Variants in CAMSAP2 observed in about 807,000 individuals in gnomAD.
The protein encoded by CAMSAP2 is calmodulin regulated spectrin associated protein family member 2.
A neutral mutation model predicts 146.1 loss-of-function variants in CAMSAP2; 26 were observed. The ratio of observed to expected loss-of-function variants is 0.18; its 90% CI spans 0.13 to 0.25. CAMSAP2 has a LOEUF of 0.25. Among genes scored for constraint, CAMSAP2 ranks in the 10% least tolerant of loss-of-function variants. The pLI is 1.00. For synonymous variants in CAMSAP2, 499 were observed against 596.6 expected (o/e 0.84, Z 2.38); for missense variants, 1,381 against 1,759.3 (o/e 0.78, Z 3.85).
At chr1:200,803,616 AGT>A (rs1362618037) in intron 2 of CAMSAP2, among the ~76,000 whole-genome samples, 55 of 149,232 alleles carry the variant, frequency 3.7e-4, no homozygotes, top group Admixed American at 1.9e-3. Flanking sequence ...AAAGTTAAGA[AGT>A]AAAAAAAAAA....
At chr1:200,801,036 C>T (rs577715722) in intron 2 of CAMSAP2, among the ~76,000 whole-genome samples, 40 of 152,252 alleles carry the variant, frequency 2.6e-4, no homozygotes, top group South Asian at 2.3e-3. Flanking sequence ...GAGGCCAAGA[C>T]GGGCGGATCA....
chr1:200,740,229 G>T (rs1664122683), intron 1 of CAMSAP2, among the ~76,000 whole-genome samples: 1 of 151,758 alleles, frequency 6.6e-6, no homozygotes, highest in South Asian at 2.1e-4. Context: ...CCCCCAGTGA[G>T]CAATTTTATG....
At chr1:200,774,838 AT>A (rs1389107525) in intron 2 of CAMSAP2, among the ~76,000 whole-genome samples, 1 of 152,242 alleles carries the variant, frequency 6.6e-6, no homozygotes, top group Non-Finnish European at 1.5e-5. Context: ...TGGAGGGAAC[AT>A]CTTCAGGAAT....
chr1:200,783,651 TAAA>T (rs775012461), intron 2 of CAMSAP2, among the ~76,000 whole-genome samples: 6 of 150,980 alleles, frequency 4.0e-5, no homozygotes, highest in Non-Finnish European at 7.4e-5. Context: ...CCTGGCTAAT[TAAA>T]AAAAAAATTT....
chr1:200,749,979 T>C (rs1315510938), intron 1 of CAMSAP2, among the ~76,000 whole-genome samples: 1 of 152,078 alleles, frequency 6.6e-6, no homozygotes, highest in Non-Finnish European at 1.5e-5. Flanking sequence ...TCCATTCTTG[T>C]AGGCCAGAGG....
intron 1 of CAMSAP2, among the ~76,000 whole-genome samples, chr1:200,740,724 G>C (rs1360776974): frequency 1.3e-5 from 2 of 152,146 alleles, no homozygotes; most frequent in Non-Finnish European, 2.9e-5. Context: ...AAATTGTATA[G>C]TACAGTAGCA....
At chr1:200,771,068 A>G (rs1665102694) in intron 2 of CAMSAP2, among the ~76,000 whole-genome samples, 1 of 152,142 alleles carries the variant, frequency 6.6e-6, no homozygotes, top group African/African-American at 2.4e-5. Context: ...AGACTAACAG[A>G]GAATATGAGC....
Position 200,853,781 on chromosome 1 carries a change from C to T in CAMSAP2, c.3823+286C>T, listed in dbSNP as rs1667683007. On this transcript the variant is annotated intron_variant, in intron 13 of 16. Coordinates refer to ENST00000358823, the MANE Select transcript of CAMSAP2 (RefSeq NM_203459.4). The surrounding 1 kb of genome is among the most constrained non-coding windows in gnomAD (Gnocchi z 5.1). ...AGATATAATCTCCTTGAACTATTAA[C>T]TGCCCTTTACATACTTATAAATTTA... Among the ~76,000 whole-genome samples the T allele has an allele frequency of 6.6e-6, 1 of 152,156 alleles. No homozygotes were observed. The highest frequency in any genetic ancestry group is 1.5e-5 in the Non-Finnish European group (1 of 68,028).
chr1:200,760,873 C>T lies in CAMSAP2; in HGVS notation c.174C>T (p.Tyr58=), dbSNP rs1285810531. The change falls in exon 2 of 17, where the codon TAC becomes TAT. Residue 58 remains tyrosine (Y), a synonymous_variant. Coordinates refer to ENST00000358823, the MANE Select transcript of CAMSAP2 (RefSeq NM_203459.4). ...CAGAGGAACTTCAAGAACCATTTTA[C>T]ACAGATCAGTATGACCAGGAACACA... ...NVPEELQEPF[Y]TDQYDQEHIK... is the part of the protein sequence containing the mutation. 7 of 1,613,810 alleles carry T rather than the reference C, an allele frequency of 4.3e-6. No individual in the cohort carries two copies. Among genetic ancestry groups the T allele is most frequent in the East Asian group, 2.2e-5 (1 of 44,870 alleles).
chr1:200,817,109 C>A (rs139759046), intron 4 of CAMSAP2, among the ~76,000 whole-genome samples: 2 of 144,108 alleles, frequency 1.4e-5, no homozygotes, highest in East Asian at 2.1e-4. Context: ...TATACACACA[C>A]GTGTGTGTAT....
rs563677245 is a variant in CAMSAP2, at chr1:200,781,469, T to C, written c.399+20371T>C. ...ATACGTATGTTCTGTACTTAAATCT[T>C]GATTTATTGAATATAATCGTCTAGT... On this transcript the variant is annotated intron_variant, in intron 2 of 16. Coordinates refer to ENST00000358823, the MANE Select transcript of CAMSAP2 (RefSeq NM_203459.4). Among the ~76,000 whole-genome samples the C allele has an allele frequency of 8.7e-4, 133 of 152,312 alleles. No homozygotes were observed. In the Middle Eastern group the frequency reaches 0.014, roughly 16 times the overall value.
chr1:200,776,438 G>A (rs919942291), intron 2 of CAMSAP2, among the ~76,000 whole-genome samples: 1 of 152,134 alleles, frequency 6.6e-6, no homozygotes, highest in African/African-American at 2.4e-5. Flanking sequence ...ATTTTCCTAC[G>A]ACAACCAAAC....
intron 1 of CAMSAP2, among the ~76,000 whole-genome samples, chr1:200,755,044 A>G (rs963964837): frequency 6.6e-6 from 1 of 152,170 alleles, no homozygotes; most frequent in Non-Finnish European, 1.5e-5. Flanking sequence ...TTCTTTTGAC[A>G]TGGCTCCATT....
intron 4 of CAMSAP2, among the ~76,000 whole-genome samples, chr1:200,830,613 G>C (rs1051546542): frequency 6.6e-6 from 1 of 152,182 alleles, no homozygotes; most frequent in Non-Finnish European, 1.5e-5. Flanking sequence ...CCGCTGTACT[G>C]GTTGATTTCT....
Position 200,857,246 on chromosome 1 carries a change from T to C in CAMSAP2, c.4013-60T>C. On this transcript the variant is annotated intron_variant, in intron 15 of 16. Coordinates refer to ENST00000358823, the MANE Select transcript of CAMSAP2 (RefSeq NM_203459.4). This position sits in a 1 kb window ranked among gnomAD's most constrained non-coding sequence, Gnocchi z 4.7. ...TAGGAACAATTACATCATTTTAAAA[T>C]AGTAGTATTTCTGACTTAGGAATGT... is the stretch of plus-strand genomic sequence containing the variant. 3 of 1,102,204 alleles carry C rather than the reference T, an allele frequency of 2.7e-6. No homozygotes were observed. In the South Asian group the frequency reaches 3.9e-5, roughly 14 times the overall value. 68.3% of individuals were successfully genotyped at this position (1,102,204 alleles called of 1,614,324 possible). A position where few individuals can be genotyped will look rare whatever the true frequency, so the allele number is the denominator to read the frequency against.
At chr1:200,837,421 G>A (rs1298507206) in intron 6 of CAMSAP2, among the ~76,000 whole-genome samples, 2 of 151,754 alleles carry the variant, frequency 1.3e-5, no homozygotes, top group East Asian at 3.9e-4. Flanking sequence ...TTATTTCTGG[G>A]CTCTCTGTTC....
At chr1:200,763,233 G>T (rs1664848459) in intron 2 of CAMSAP2, among the ~76,000 whole-genome samples, 1 of 152,114 alleles carries the variant, frequency 6.6e-6, no homozygotes, top group African/African-American at 2.4e-5. Context: ...TCTATTTGTG[G>T]ATTGTTAGAA....
chr1:200,826,754 T>C (rs1314784111), intron 4 of CAMSAP2, among the ~76,000 whole-genome samples: 3 of 152,164 alleles, frequency 2.0e-5, no homozygotes, highest in Non-Finnish European at 4.4e-5. Context: ...TTAGAACTAT[T>C]CCAGAAAATC....
intron 2 of CAMSAP2, among the ~76,000 whole-genome samples, chr1:200,773,034 C>T (rs1665159371): frequency 6.6e-6 from 1 of 152,150 alleles, no homozygotes; most frequent in African/African-American, 2.4e-5. Flanking sequence ...GAAGAAGTTG[C>T]TGCAAACTTT....
Sources: gnomAD v4.1 joint callset for allele counts (sites outside exome capture counted in the v4.1 genomes callset) on GRCh38, gnomAD v4.1.1 for gene constraint, Gnocchi (gnomAD v3.1) non-coding constraint, MANE v1.5 for transcripts, NCBI Gene and HGNC (gene_info 2026-07-23, HGNC 2026-07-21) for gene names.